PCSK2: variants seen among roughly 807,000 people sequenced by gnomAD.
The protein encoded by PCSK2 is proprotein convertase subtilisin/kexin type 2, also known as neuroendocrine convertase 2.
Under a neutral mutation model 69.7 loss-of-function variants are expected in PCSK2, and 14 were observed. The ratio of observed to expected loss-of-function variants is 0.20; its 90% CI spans 0.13 to 0.31. The LOEUF (loss-of-function observed/expected upper bound fraction) is 0.31, where lower values mean the gene tolerates loss of function less well. Ranked by LOEUF, PCSK2 falls within the 10% of genes least tolerant of loss-of-function variation. The pLI is 1.00. For missense variants in PCSK2, 544 were observed against 842.5 expected, an observed-to-expected ratio of 0.65 and a Z score of 4.39; for synonymous variants, 307 against 320.7, an observed-to-expected ratio of 0.96 and a Z score of 0.46.
chr20:17,396,523 A>T (rs144686125), intron 5 of PCSK2, among the ~76,000 whole-genome samples: 3 of 150,862 alleles, frequency 2.0e-5, no homozygotes, highest in Non-Finnish European at 4.4e-5. Context: ...CATTGTTTCC[A>T]CATCATCCTC....
At chr20:17,474,102 G>A (rs2033250084) in intron 11 of PCSK2, among the ~76,000 whole-genome samples, 1 of 152,190 alleles carries the variant, frequency 6.6e-6, no homozygotes, top group Non-Finnish European at 1.5e-5. Context: ...GGGGGTTTCA[G>A]TAGATGGTGA....
At chr20:17,347,849 A>AAGG (rs1568612100) in intron 2 of PCSK2, among the ~76,000 whole-genome samples, 23 of 103,356 alleles carry the variant, frequency 2.2e-4, no homozygotes, top group East Asian at 1.7e-3. Flanking sequence ...AGAAAGAAAG[A>AAGG]AAGAAAGAAA....
At chr20:17,342,785 C>T (rs980269196) in intron 2 of PCSK2, among the ~76,000 whole-genome samples, 6 of 152,044 alleles carry the variant, frequency 3.9e-5, no homozygotes, top group Non-Finnish European at 8.8e-5. Context: ...GTGCGCACCA[C>T]CACACCTGGC....
intron 6 of PCSK2, among the ~76,000 whole-genome samples, chr20:17,418,701 A>T (rs966429120): frequency 6.6e-6 from 1 of 152,156 alleles, no homozygotes; most frequent in Non-Finnish European, 1.5e-5. Flanking sequence ...AGGACCCAGC[A>T]TGAGCCTCCC....
At chr20:17,345,592 C>G (rs1185910582) in intron 2 of PCSK2, among the ~76,000 whole-genome samples, 1 of 152,178 alleles carries the variant, frequency 6.6e-6, no homozygotes, top group African/African-American at 2.4e-5. Context: ...AAGCAGTCAG[C>G]AGACTAGACT....
intron 2 of PCSK2, among the ~76,000 whole-genome samples, chr20:17,345,323 C>A (rs1457004291): frequency 2.0e-5 from 3 of 152,140 alleles, no homozygotes; most frequent in African/African-American, 7.2e-5. Flanking sequence ...TTATAGTATG[C>A]TTCATTATTC....
rs576817208 is a variant in PCSK2 at position 17,406,825 on chromosome 20, G to A, written c.544-2438G>A. On this transcript the variant is annotated intron_variant, in intron 5 of 11. Transcript: ENST00000262545. ...CCTGGTAGAAACATGGTCTCAGTCC[G>A]CTCAGGTTTTGCCCCTGTCCTCCCT... 1.1e-4 allele frequency among the ~76,000 whole-genome samples: 17 copies of A among 152,252 alleles called. 1 individual carries two copies. Among genetic ancestry groups the A allele is most frequent in the East Asian group, 5.8e-4 (3 of 5,178 alleles).
rs547391562 is a variant in PCSK2 at position 17,253,433 on chromosome 20, G to A, written c.178-6807G>A. ...CAGCTCTATAGATTTGTCTATTCTG[G>A]ACATTTCATATAAAGAAGTGATACA... is the stretch of plus-strand genomic sequence containing the variant. On this transcript the variant is annotated intron_variant, in intron 1 of 11. Coordinates refer to ENST00000262545, the MANE Select transcript of PCSK2 (RefSeq NM_002594.5). 2.0e-4 allele frequency among the ~76,000 whole-genome samples: 30 copies of A among 152,196 alleles called. No individual in the cohort carries two copies. The South Asian group carries it at 6.2e-3, about 32-fold the overall frequency.
chr20:17,299,250 G>T (rs1988999934), intron 2 of PCSK2, among the ~76,000 whole-genome samples: 1 of 152,012 alleles, frequency 6.6e-6, no homozygotes, highest in Non-Finnish European at 1.5e-5. Flanking sequence ...AAATTGTTAA[G>T]CAATTCTCAT....
At chr20:17,385,912 A>G (rs1490699403) in intron 5 of PCSK2, among the ~76,000 whole-genome samples, 1 of 152,210 alleles carries the variant, frequency 6.6e-6, no homozygotes, top group African/African-American at 2.4e-5. Flanking sequence ...GATGATTAAT[A>G]TCAGGATGGA....
intron 4 of PCSK2, among the ~76,000 whole-genome samples, chr20:17,367,788 A>G (rs2030640275): frequency 6.6e-6 from 1 of 152,208 alleles, no homozygotes; most frequent in Admixed American, 6.5e-5. Flanking sequence ...GTGAGCCACC[A>G]TGCCTGACCA....
intron 2 of PCSK2, among the ~76,000 whole-genome samples, chr20:17,304,845 G>C (rs1468448261): frequency 1.3e-5 from 2 of 152,176 alleles, no homozygotes; most frequent in Non-Finnish European, 2.9e-5. Flanking sequence ...GAATTTTTCA[G>C]TACCCAGAAG....
intron 2 of PCSK2, among the ~76,000 whole-genome samples, chr20:17,277,015 T>C (rs1170201921): frequency 6.6e-6 from 1 of 152,056 alleles, no homozygotes; most frequent in East Asian, 1.9e-4. Flanking sequence ...TTACAAGGGA[T>C]GTGAAGGACC....
intron 2 of PCSK2, among the ~76,000 whole-genome samples, chr20:17,314,738 A>G (rs142258551): frequency 9.2e-5 from 14 of 152,282 alleles, no homozygotes; most frequent in African/African-American, 3.1e-4. Context: ...ATTTTTTAAG[A>G]TCCTTTCTAT....
At chr20:17,263,487 T>A (rs1017887894) in intron 2 of PCSK2, among the ~76,000 whole-genome samples, 1 of 152,258 alleles carries the variant, frequency 6.6e-6, no homozygotes, top group African/African-American at 2.4e-5. Flanking sequence ...AGTGAGATGT[T>A]CAGGAAATGA....
intron 2 of PCSK2, among the ~76,000 whole-genome samples, chr20:17,303,465 T>TATA (rs1989181827): frequency 5.6e-5 from 3 of 53,910 alleles, no homozygotes; most frequent in African/African-American, 1.6e-4. Context: ...TTAAATATAA[T>TATA]ATATATTATA....
rs60731363 is a variant in PCSK2, at chr20:17,348,753, C to T, written c.283-9574C>T. Among the ~76,000 whole-genome samples the T allele has an allele frequency of 5.3e-4, 81 of 152,342 alleles. 1 individual carries two copies. Among genetic ancestry groups the T allele is most frequent in the African/African-American group, 1.9e-3 (77 of 41,578 alleles). On this transcript the variant is annotated intron_variant, in intron 2 of 11. Transcript: ENST00000262545. Reference sequence around the variant, plus strand: ...TTTCCCTGTGTCCTCACACCATTCCCTCTGTTGGTAACAGTGCCTGAATAT... The same window carrying T: ...TTTCCCTGTGTCCTCACACCATTCCTTCTGTTGGTAACAGTGCCTGAATAT...
At chr20:17,410,105 G>A (rs551341244) in intron 6 of PCSK2, among the ~76,000 whole-genome samples, 1 of 152,134 alleles carries the variant, frequency 6.6e-6, no homozygotes, top group South Asian at 2.1e-4. Flanking sequence ...AAAAATATAT[G>A]ATGTGCAGAG....
chr20:17,308,971 G>C (rs187131574), intron 2 of PCSK2, among the ~76,000 whole-genome samples: 2 of 152,128 alleles, frequency 1.3e-5, no homozygotes, highest in African/African-American at 4.8e-5. Flanking sequence ...GAAATCAAAG[G>C]CCAGCCCAGA....
Sources: allele counts gnomAD v4.1 joint callset (sites outside exome capture counted in the v4.1 genomes callset), GRCh38; gene constraint gnomAD v4.1.1; transcripts MANE v1.5; gene names NCBI Gene and HGNC (gene_info 2026-07-23, HGNC 2026-07-21).